Variants in KIF4A observed in about 807,000 individuals in gnomAD.
The protein encoded by KIF4A is kinesin family member 4A, also known as chromosome-associated kinesin KIF4A.
Under a neutral mutation model 105.9 loss-of-function variants are expected in KIF4A, and 7 were observed. The observed-to-expected ratio is 0.07, with a 90% CI of 0.04 to 0.12. KIF4A has a LOEUF of 0.12. KIF4A is among the 10% of genes least tolerant of loss of function. The pLI, the probability that KIF4A is intolerant of heterozygous loss-of-function variation, is 1.00. For synonymous variants in KIF4A, 281 were observed against 331.3 expected, an observed-to-expected ratio of 0.85 and a Z score of 1.65; for missense variants, 558 against 929.2, an observed-to-expected ratio of 0.60 and a Z score of 5.19.
At chrX:70,408,596 C>T (rs983119909) in intron 28 of KIF4A, among the ~76,000 whole-genome samples, 1 of 111,842 alleles carries the variant, frequency 8.9e-6, no homozygotes, top group African/African-American at 3.2e-5. Flanking sequence ...TAGCCTATAG[C>T]TCATCACCTG....
intron 20 of KIF4A, among the ~76,000 whole-genome samples, chrX:70,390,641 A>G (rs1328559264): frequency 9.0e-6 from 1 of 111,639 alleles, no homozygotes; most frequent in African/African-American, 3.3e-5. Context: ...CATAGCTGAC[A>G]TACAATAAAA....
intron 15 of KIF4A, chrX:70,362,067 G>T: frequency 1.2e-5 from 2 of 160,506 alleles, no homozygotes. Flanking sequence ...TGTCACCATG[G>T]ACAAGCTACA....
intron 22 of KIF4A, 117 bp downstream of exon 22, chrX:70,396,166 AT>A: frequency 2.0e-5 from 10 of 501,734 alleles, no homozygotes; most frequent in Non-Finnish European, 2.6e-5. Context: ...GAAAATAACA[AT>A]TTTTTTTAAA....
chrX:70,411,856 C>G (rs1442213098), intron 28 of KIF4A, among the ~76,000 whole-genome samples: 1 of 108,687 alleles, frequency 9.2e-6, no homozygotes, highest in Non-Finnish European at 1.9e-5. Flanking sequence ...GAGTTCAAGA[C>G]CAGCCTTGGC....
intron 7 of KIF4A, among the ~76,000 whole-genome samples, chrX:70,315,551 G>A (rs1031135830): frequency 9.0e-6 from 1 of 111,572 alleles, no homozygotes; most frequent in Non-Finnish European, 1.9e-5. Context: ...TGGCTTCTGG[G>A]TCCCTTTAGG....
chrX:70,352,580 C>T lies in KIF4A; in HGVS notation c.1432-20C>T. Reference sequence around the variant, plus strand: ...TTTACTTCAGACTCTTTCCCTAAACCAAAACATTTGTTACTGCAGGATGAA... The same window carrying T: ...TTTACTTCAGACTCTTTCCCTAAACTAAAACATTTGTTACTGCAGGATGAA... On this transcript the variant is annotated intron_variant, in intron 13 of 30. Coordinates refer to ENST00000374403, the MANE Select transcript of KIF4A (RefSeq NM_012310.5). 1 of 1,182,227 alleles carries T rather than the reference C, an allele frequency of 8.5e-7. No homozygotes were observed.
intron 15 of KIF4A, among the ~76,000 whole-genome samples, chrX:70,373,513 T>C (rs372500111): frequency 0.53 from 6,743 of 12,770 alleles, 1,935 homozygotes; most frequent in South Asian, 0.63. Flanking sequence ...TATATATACA[T>C]GTGTGTGTAT....
At chrX:70,398,441 T>TA (rs1423238217) in intron 22 of KIF4A, among the ~76,000 whole-genome samples, 1 of 111,979 alleles carries the variant, frequency 8.9e-6, no homozygotes, top group Non-Finnish European at 1.9e-5. Context: ...TAGAAGGAAT[T>TA]AGAGGTGAGT....
In KIF4A at chrX:70,395,941, A is replaced by G. The variant is rs1451412422; in HGVS notation, c.2389-8A>G. On this transcript the variant is annotated splice_region_variant and splice_polypyrimidine_tract_variant and intron_variant, in intron 21 of 30. Transcript: ENST00000374403. The stretch of plus-strand genomic sequence containing the variant: ...GTATTTCACCCTTGTTCTCACTATT[A>G]TTTACAGAGGCGTACATTCTCCCTT... 3 of 1,202,545 alleles carry G rather than the reference A, an allele frequency of 2.5e-6. No individual in the cohort carries two copies. In the South Asian group the frequency reaches 5.3e-5, roughly 21 times the overall value.
At chrX:70,395,233 G>A (rs1000569886) in intron 20 of KIF4A, among the ~76,000 whole-genome samples, 3 of 112,018 alleles carry the variant, frequency 2.7e-5, no homozygotes, top group Non-Finnish European at 3.8e-5. Flanking sequence ...GCGACAGAGC[G>A]ACACCCTGTC....
Position 70,420,248 on chromosome X carries a change from G to A in KIF4A, c.3682G>A (p.Glu1228Lys), listed in dbSNP as rs776581139. The change falls in exon 31 of 31, where the codon GAA becomes AAA. Residue 1228 changes from glutamate to lysine, a missense_variant. By Grantham distance (56) the Glu-to-Lys change is moderately conservative. Around this residue, in one of 2 missense-constraint regions of KIF4A, gnomAD observed 469 missense variants for 680.4 expected, o/e 0.69. Transcript: ENST00000374403. ...CTTCTTCTCTGGCTGCTCCCCTATC[G>A]AAGAAGAGGCCCACTGAAGTTGGAG... is the stretch of plus-strand genomic sequence containing the variant. ...TSFFSGCSPI[E>K]EEAH 35 of 1,205,944 alleles carry A rather than the reference G, an allele frequency of 2.9e-5. No individual in the cohort carries two copies. The highest frequency in any genetic ancestry group is 3.9e-5 in the Non-Finnish European group (35 of 894,112).
chrX:70,370,189 C>T (rs958874800), intron 15 of KIF4A, among the ~76,000 whole-genome samples: 1 of 110,580 alleles, frequency 9.0e-6, no homozygotes, highest in African/African-American at 3.3e-5. Context: ...CTTAACAATG[C>T]GTTTCTCAGA....
In KIF4A at chrX:70,321,392, GATTTC is replaced by G. The variant is rs748288271; in HGVS notation, c.779-8012_779-8008del. Among the ~76,000 whole-genome samples, 70 of 112,035 alleles carry G rather than the reference GATTTC, an allele frequency of 6.2e-4. 1 individual carries two copies. The East Asian group carries it at 0.014, about 22-fold the overall frequency. ...TCTAATGTATTTTTTTCTCCTCTGA[GATTTC>G]TCTAGTACCACAGGACTACATTGTC... On this transcript the variant is annotated intron_variant, in intron 7 of 30. Transcript: ENST00000374403.
At chrX:70,327,473 G>A (rs947271039) in intron 7 of KIF4A, among the ~76,000 whole-genome samples, 4 of 110,529 alleles carry the variant, frequency 3.6e-5, no homozygotes, top group Admixed American at 1.9e-4. Context: ...TGAAACAAGG[G>A]GAAGGATGAA....
chrX:70,404,664 T>C, intron 24 of KIF4A, 51 bp from the exon 25 acceptor site: 1 of 951,102 alleles, frequency 1.1e-6, no homozygotes, highest in Non-Finnish European at 1.5e-6. Flanking sequence ...CAAAATTTCT[T>C]TTTCCCCTTG....
chrX:70,345,599 G>A (rs1192964885), intron 13 of KIF4A, among the ~76,000 whole-genome samples: 2 of 112,114 alleles, frequency 1.8e-5, no homozygotes, highest in African/African-American at 3.2e-5. Context: ...TTGTATGTCC[G>A]TGTGGTTTAG....
chrX:70,387,344 G>A, intron 20 of KIF4A, 47 bp downstream of exon 20: 1 of 923,545 alleles, frequency 1.1e-6, no homozygotes, highest in Non-Finnish European at 1.5e-6. Flanking sequence ...ACTGGGAACA[G>A]GAAAAAAGGA....
chrX:70,384,590 G>A (rs906943514), intron 18 of KIF4A, among the ~76,000 whole-genome samples: 2 of 109,771 alleles, frequency 1.8e-5, no homozygotes, highest in African/African-American at 6.6e-5. Context: ...CAGGCACGGT[G>A]GCACATGCCT....
chrX:70,402,259 C>G (rs191536377), intron 22 of KIF4A, among the ~76,000 whole-genome samples: 22 of 111,994 alleles, frequency 2.0e-4, no homozygotes, highest in Non-Finnish European at 3.6e-4. Flanking sequence ...GACAAAGTAA[C>G]ATATTATACT....
Sources: gnomAD v4.1 joint callset for allele counts (sites outside exome capture counted in the v4.1 genomes callset) on GRCh38, gnomAD v4.1.1 for gene constraint, gnomAD v4.1.1 regional missense constraint, MANE v1.5 for transcripts, NCBI Gene and HGNC (gene_info 2026-07-23, HGNC 2026-07-21) for gene names.